The following STRN4 variants were observed in gnomAD, a reference collection of about 807,000 sequenced individuals.
STRN4 encodes the protein striatin 4.
A neutral mutation model predicts 77.9 loss-of-function variants in STRN4; 27 were observed. That is an observed-to-expected ratio of 0.35 (90% CI 0.26 to 0.48). The LOEUF (loss-of-function observed/expected upper bound fraction) is 0.48, where lower values mean the gene tolerates loss of function less well. Ranked by LOEUF, STRN4 falls within the 20% of genes least tolerant of loss-of-function variation. The pLI is 0.99. For synonymous variants in STRN4, 466 were observed against 443.1 expected (o/e 1.05, Z -0.65); for missense variants, 798 against 1,049.7 (o/e 0.76, Z 3.31).
At chr19:46,728,917 T>G (rs1000213794) in intron 6 of STRN4, 140 bp from the exon 7 acceptor site, 3 of 1,278,462 alleles carry the variant, frequency 2.3e-6, no homozygotes, top group Non-Finnish European at 3.2e-6. Context: ...CCAGCTGCCC[T>G]GGAGCGCCCC....
Position 46,741,194 on chromosome 19 carries a change from C to T in STRN4, c.283-2306G>A, listed in dbSNP as rs1274942000. On this transcript the variant is annotated intron_variant, in intron 1 of 17. Transcript: ENST00000263280. This position sits in a 1 kb window ranked among gnomAD's most constrained non-coding sequence, Gnocchi z 4.9. ...GACCCCCATCACAGATGAGGGCAGT[C>T]CCAGAAATCCCAGGACAGAACGGTA... 6.6e-6 allele frequency among the ~76,000 whole-genome samples: 1 copy of T among 152,096 alleles called. No individual in the cohort carries two copies. Among genetic ancestry groups the T allele is most frequent in the Non-Finnish European group, 1.5e-5 (1 of 68,012 alleles).
At chr19:46,734,072 C>T (rs2054309478) in intron 4 of STRN4, among the ~76,000 whole-genome samples, 1 of 152,180 alleles carries the variant, frequency 6.6e-6, no homozygotes, top group Non-Finnish European at 1.5e-5. Flanking sequence ...ATGTACGTCT[C>T]ATCCTGTGCG....
rs1452538318 is a variant in STRN4 at position 46,721,986 on chromosome 19, T to C, written c.2092A>G (p.Ser698Gly). 1 of 1,613,722 alleles carries C rather than the reference T, an allele frequency of 6.2e-7. No homozygotes were observed. ...GGTGGGACTAGTGTGCTCAACTTACTTCCTGACATCAGGAATGCGCCGTTG... is the reference window on the plus strand; with the variant it reads ...GGTGGGACTAGTGTGCTCAACTTACCTCCTGACATCAGGAATGCGCCGTTG... ...DPNGAFLMSG[S>G]HDCSLRLWSL... Residue 698 changes from serine (S) to glycine (G), a missense_variant and splice_region_variant, in exon 16 of 18, where the codon AGC (serine) becomes GGC (glycine). Transcript: ENST00000263280.
At position 46,725,638 on chromosome 19, in the gene STRN4, C is replaced by T. The variant is rs772523519; in HGVS notation, c.1259G>A (p.Ser420Asn). Residue 420 changes from serine (S) to asparagine (N), a missense_variant, in exon 10 of 18, where the codon AGC becomes AAC. This residue lies in a region of STRN4 where 511 missense variants were observed against 575.9 expected (regional missense o/e 0.89). Transcript: ENST00000263280. Reference sequence around the variant, plus strand: ...CCACGTCTTCTTAAAAGCATCTTTGCTGTCAGACAGCTGGGGTTGGGGGGA... The same window carrying T: ...CCACGTCTTCTTAAAAGCATCTTTGTTGTCAGACAGCTGGGGTTGGGGGGA... ...DNDLSCDLSD[S>N]KDAFKKTWNP... 2 of 1,613,882 alleles carry T rather than the reference C, an allele frequency of 1.2e-6. No homozygotes were observed. Among genetic ancestry groups the T allele is most frequent in the Non-Finnish European group, 1.7e-6 (2 of 1,179,800 alleles).
Position 46,741,980 on chromosome 19 carries a change from G to A in STRN4, c.283-3092C>T, listed in dbSNP as rs1357871788. On this transcript the variant is annotated intron_variant, in intron 1 of 17. Transcript: ENST00000263280. This position sits in a 1 kb window ranked among gnomAD's most constrained non-coding sequence, Gnocchi z 4.9. Reference sequence around the variant, plus strand: ...ACCGCACTCACTGCAGGTCCCTGTCGCTGCTCCTATACAAATCTCCAGTTC... The same window carrying A: ...ACCGCACTCACTGCAGGTCCCTGTCACTGCTCCTATACAAATCTCCAGTTC... 5.3e-5 allele frequency among the ~76,000 whole-genome samples: 8 copies of A among 152,254 alleles called. No homozygotes were observed. In the East Asian group the frequency reaches 7.7e-4, roughly 15 times the overall value.
rs528617542 is a variant in STRN4, at chr19:46,723,424, G to A, written c.1595-140C>T. 9.0e-6 allele frequency: 10 copies of A among 1,112,524 alleles called. No homozygotes were observed. Among genetic ancestry groups the A allele is most frequent in the African/African-American group, 6.3e-5 (4 of 63,474 alleles). 68.9% of individuals were successfully genotyped at this position (1,112,524 alleles called of 1,614,324 possible). ...ACCCACTTCACACCTGGTGCCCCTC[G>A]GAACTGTCCACTGCCAGGACAGCCC... On this transcript the variant is annotated intron_variant, in intron 12 of 17. Transcript: ENST00000263280. The surrounding 1 kb of genome is among the most constrained non-coding windows in gnomAD (Gnocchi z 5.5).
In STRN4 at chr19:46,730,931, T is replaced by C. The variant is rs997726964; in HGVS notation, c.738-58A>G. The C allele has an allele frequency of 2.3e-5, 37 of 1,593,012 alleles. No individual in the cohort carries two copies. The Admixed American group carries it at 4.0e-4, about 17-fold the overall frequency. On this transcript the variant is annotated intron_variant, in intron 5 of 17. Coordinates refer to ENST00000263280, the MANE Select transcript of STRN4 (RefSeq NM_013403.3). ...GTCCTGGCAGGTGTCAAAGCTCAGA[T>C]AGGAAGGTGCCCTCCCAGGCTTGGT...
At chr19:46,734,828 C>T (rs985869866) in intron 4 of STRN4, among the ~76,000 whole-genome samples, 16 of 152,042 alleles carry the variant, frequency 1.1e-4, no homozygotes, top group African/African-American at 3.9e-4. Context: ...CCAAGCCCGG[C>T]TAATTTTTTG....
chr19:46,720,493 C>T (rs1406324500), intron 17 of STRN4, 43 bp downstream of exon 17: 5 of 1,292,234 alleles, frequency 3.9e-6, no homozygotes, highest in Non-Finnish European at 5.1e-6. Flanking sequence ...CAGTACTAGG[C>T]ATGGGCGTGC....
intron 12 of STRN4, among the ~76,000 whole-genome samples, chr19:46,724,366 A>G (rs770157567): frequency 4.6e-5 from 7 of 151,840 alleles, no homozygotes; most frequent in South Asian, 2.1e-4. Flanking sequence ...GAAAGCCCCA[A>G]CGCGCTCCAG....
At position 46,722,269 on chromosome 19, in the gene STRN4, C is replaced by T; in HGVS notation, c.1978G>A (p.Gly660Ser). 6.2e-7 allele frequency: 1 copy of T among 1,614,198 alleles called. No homozygotes were observed. ...GTCCGATTGTCCAGGAAGCGGATGC[C>T]CCTGTCGTCGTGGGCGGTGATGGTG... is the stretch of plus-strand genomic sequence containing the variant. ...PLTITAHDDRGIRFLDNRTGK... is the reference protein window; with the variant it reads ...PLTITAHDDRSIRFLDNRTGK... Residue 660 changes from glycine to serine, a missense_variant, in exon 15 of 18, where the codon GGC becomes AGC. Physicochemically the swap from Gly to Ser is moderately conservative, Grantham distance 56. Transcript: ENST00000263280.
intron 1 of STRN4, among the ~76,000 whole-genome samples, chr19:46,744,715 T>C (rs2054542842): frequency 2.0e-5 from 3 of 151,920 alleles, no homozygotes; most frequent in Non-Finnish European, 4.4e-5. Context: ...CAGCTATTTA[T>C]TTGGGTACCA....
Position 46,738,825 on chromosome 19 carries a change from G to T in STRN4, c.346C>A (p.Arg116=), listed in dbSNP as rs754723763. 5.6e-6 allele frequency: 9 copies of T among 1,614,166 alleles called. No individual in the cohort carries two copies. Among genetic ancestry groups the T allele is most frequent in the Non-Finnish European group, 7.6e-6 (9 of 1,180,044 alleles). ...GQENLKTDLV[R]RIKMLEYALK... is the part of the protein sequence containing the mutation. Reference sequence around the variant, plus strand: ...GCATACTCTAGCATCTTGATCCGCCGCACCAGGTCCGTCTTTAGATTCTCC... The same window carrying T: ...GCATACTCTAGCATCTTGATCCGCCTCACCAGGTCCGTCTTTAGATTCTCC... The change falls in exon 2 of 18, where the codon CGG becomes AGG. Residue 116 remains arginine (R), a synonymous_variant. Transcript: ENST00000263280. The surrounding 1 kb of genome is among the most constrained non-coding windows in gnomAD (Gnocchi z 4.5).
At chr19:46,720,928 A>G in intron 16 of STRN4, 157 bp from the exon 17 acceptor site, 2 of 798,936 alleles carry the variant, frequency 2.5e-6, no homozygotes, top group Non-Finnish European at 3.6e-6. Context: ...GGCCCGCCCA[A>G]AGGAGAACCC....
Position 46,746,388 on chromosome 19 carries a change from A to T in STRN4, c.43T>A (p.Ser15Thr). The T allele has an allele frequency of 9.4e-7, 1 of 1,064,774 alleles. No homozygotes were observed. The highest frequency in any genetic ancestry group is 1.1e-6 in the Non-Finnish European group (1 of 886,070). 66.0% of individuals were successfully genotyped at this position (1,064,774 alleles called of 1,614,324 possible). The change falls in exon 1 of 18, where the codon TCC (serine) becomes ACC (threonine). Residue 15 changes from serine to threonine, a missense_variant. Coordinates refer to ENST00000263280, the MANE Select transcript of STRN4 (RefSeq NM_013403.3). Reference protein sequence around the residue: ...RAAAAVAAAASSCRPLGSGAG... With the variant: ...RAAAAVAAAATSCRPLGSGAG... ...CCTGAGCCGAGCGGACGGCAGGAGG[A>T]GGCGGCGGCGGCGACCGCGGCGGCC...
rs115976512 is a variant in STRN4, at chr19:46,741,544, C to A, written c.283-2656G>T. Among the ~76,000 whole-genome samples the A allele has an allele frequency of 6.6e-6, 1 of 152,196 alleles. No individual in the cohort carries two copies. The highest frequency in any genetic ancestry group is 1.5e-5 in the Non-Finnish European group (1 of 68,042). On this transcript the variant is annotated intron_variant, in intron 1 of 17. Coordinates refer to ENST00000263280, the MANE Select transcript of STRN4 (RefSeq NM_013403.3). This position sits in a 1 kb window ranked among gnomAD's most constrained non-coding sequence, Gnocchi z 4.9. ...TCGCTGCAAACGCCAGCAGCCCCCA[C>A]GGGCTGTCTGGTCTGCGAGGGCCAA...
At chr19:46,726,384 C>G (rs2054114460) in intron 9 of STRN4, 1 of 152,148 alleles carries the variant, frequency 6.6e-6, no homozygotes, top group Non-Finnish European at 1.5e-5. Flanking sequence ...GTGGCTCACG[C>G]CTGTAATCCC....
intron 9 of STRN4, among the ~76,000 whole-genome samples, chr19:46,726,638 C>T (rs951085286): frequency 7.9e-5 from 12 of 152,186 alleles, no homozygotes; most frequent in African/African-American, 2.2e-4. Flanking sequence ...ACGCTGCATG[C>T]GCCCTGGTGC....
Position 46,733,329 on chromosome 19 carries a change from G to T in STRN4, c.540-93C>A. ...GCAAACCGAGACAACCTCTTAAGGG[G>T]CCACTTAAGAGCATACACCAAAATC... On this transcript the variant is annotated intron_variant, in intron 4 of 17. Coordinates refer to ENST00000263280, the MANE Select transcript of STRN4 (RefSeq NM_013403.3). This position sits in a 1 kb window ranked among gnomAD's most constrained non-coding sequence, Gnocchi z 4.3. The T allele has an allele frequency of 7.7e-7, 1 of 1,290,694 alleles. No individual in the cohort carries two copies. Among genetic ancestry groups the T allele is most frequent in the Non-Finnish European group, 1.1e-6 (1 of 931,864 alleles). 80.0% of individuals were successfully genotyped at this position (1,290,694 alleles called of 1,614,324 possible).
Sources: gnomAD v4.1 joint callset for allele counts (sites outside exome capture counted in the v4.1 genomes callset) on GRCh38, gnomAD v4.1.1 for gene constraint, gnomAD v4.1.1 regional missense constraint, Gnocchi (gnomAD v3.1) non-coding constraint, MANE v1.5 for transcripts, NCBI Gene and HGNC (gene_info 2026-07-23, HGNC 2026-07-21) for gene names.